Variants in ZNF862 observed in about 807,000 individuals in gnomAD.
ZNF862 encodes zinc finger protein 862.
Under a neutral mutation model 91.1 loss-of-function variants are expected in ZNF862, and 64 were observed. That is an observed-to-expected ratio of 0.70 (90% CI 0.57 to 0.87). ZNF862 has a LOEUF of 0.87. Among genes scored for constraint, ZNF862 ranks in the 40% least tolerant of loss-of-function variants. ZNF862 has a pLI of 0.00. For missense variants in ZNF862, 1,459 were observed against 1,528.0 expected, an observed-to-expected ratio of 0.95 and a Z score of 0.75; for synonymous variants, 631 against 618.1, an observed-to-expected ratio of 1.02 and a Z score of -0.31.
At chr7:149,841,487 A>G in intron 1 of ZNF862, 1 of 980,512 alleles carries the variant, frequency 1.0e-6, no homozygotes, top group African/African-American at 1.7e-5. Flanking sequence ...TTATTTACGT[A>G]TTTGTTGACT....
rs1173050540 is a variant in ZNF862, at chr7:149,838,556, A to T, written c.-56A>T. The T allele has an allele frequency of 1.6e-5, 19 of 1,169,596 alleles. No homozygotes were observed. Among genetic ancestry groups the T allele is most frequent in the Non-Finnish European group, 2.0e-5 (19 of 930,964 alleles). The allele number at this position is 1,169,596 out of a possible 1,614,324, so 72.5% of individuals were successfully genotyped here. On this transcript the variant is annotated 5_prime_UTR_variant, in exon 1 of 8. Coordinates refer to ENST00000223210, the MANE Select transcript of ZNF862 (RefSeq NM_001099220.3). ...TCCCCGGGGCGGTCGCGGCGGCTGC[A>T]TCCTCAGGCCAGGCCGCGGGGGGAG...
Position 149,838,604 on chromosome 7 carries a change from G to A in ZNF862, c.-8G>A, listed in dbSNP as rs2128934558. On this transcript the variant is annotated 5_prime_UTR_variant, in exon 1 of 8. Transcript: ENST00000223210. ...GAGGGGGCGGCACGGGCCTCCGAAA[G>A]CGGGGCCATGGAGCCCAGAGAGTCG... is the stretch of plus-strand genomic sequence containing the variant. The A allele has an allele frequency of 1.6e-6, 2 of 1,224,882 alleles. No individual in the cohort carries two copies. The highest frequency in any genetic ancestry group is 4.2e-5 in the Admixed American group (1 of 23,700). 75.9% of individuals were successfully genotyped at this position (1,224,882 alleles called of 1,614,324 possible). A position where few individuals can be genotyped will look rare whatever the true frequency, so the allele number is the denominator to read the frequency against.
chr7:149,848,357 A>G lies in ZNF862; in HGVS notation c.864A>G (p.Lys288=). ...YLDCISDLRQ[K]EITDGIHSSS... ...ACTGCATTTCAGATTTGAGGCAAAA[A>G]GAAATCACTGATGGCATCCACAGCT... Residue 288 remains lysine (K), a synonymous_variant, in exon 4 of 8, where the codon AAA becomes AAG. Coordinates refer to ENST00000223210, the MANE Select transcript of ZNF862 (RefSeq NM_001099220.3). 1 of 1,605,896 alleles carries G rather than the reference A, an allele frequency of 6.2e-7. No homozygotes were observed. Among genetic ancestry groups the G allele is most frequent in the Non-Finnish European group, 8.5e-7 (1 of 1,175,822 alleles).
Position 149,861,078 on chromosome 7 carries a change from G to A in ZNF862, c.1918G>A (p.Val640Met), listed in dbSNP as rs79606766. 7.0e-4 allele frequency: 1,134 copies of A among 1,612,796 alleles called. 11 individuals are homozygous for A. In the East Asian group the frequency reaches 0.017, roughly 24 times the overall value. The change falls in exon 7 of 8, where the codon GTG becomes ATG. Residue 640 changes from valine to methionine, a missense_variant. By Grantham distance (21) the Val-to-Met change is conservative. Coordinates refer to ENST00000223210, the MANE Select transcript of ZNF862 (RefSeq NM_001099220.3). This position sits in a 1 kb window ranked among gnomAD's most constrained non-coding sequence, Gnocchi z 6.7. Reference sequence around the variant, plus strand: ...CACCGACGCCTCCGAGCAGGCCTGCGTGGGGATTTACATCCGCTACTTCAA... The same window carrying A: ...CACCGACGCCTCCGAGCAGGCCTGCATGGGGATTTACATCCGCTACTTCAA... ...SSTDASEQAC[V>M]GIYIRYFKQM...
Position 149,847,889 on chromosome 7 carries a change from A to G in ZNF862, c.396A>G (p.Lys132=), listed in dbSNP as rs767475974. The G allele has an allele frequency of 1.2e-6, 2 of 1,609,224 alleles. No individual in the cohort carries two copies. The highest frequency in any genetic ancestry group is 2.2e-5 in the East Asian group (1 of 44,704). Residue 132 remains lysine, a synonymous_variant, in exon 4 of 8, where the codon AAA becomes AAG. Transcript: ENST00000223210. ...GAGACTGGGCCGGAAGAAACAGGAA[A>G]CTTCTGAAGCCCCGGTCCATCCAGA... ...IEGDWAGRNR[K]LLKPRSIQKS...
At chr7:149,846,677 G>A (rs1445221267) in intron 3 of ZNF862, among the ~76,000 whole-genome samples, 1 of 152,168 alleles carries the variant, frequency 6.6e-6, no homozygotes, top group East Asian at 1.9e-4. Context: ...AGACCCTCCT[G>A]TTCAGGGGTT....
chr7:149,844,140 C>T (rs1801794879), intron 1 of ZNF862, among the ~76,000 whole-genome samples: 1 of 152,162 alleles, frequency 6.6e-6, no homozygotes, highest in Admixed American at 6.5e-5. Context: ...AGCCCCTTTA[C>T]AAGCCACACG....
chr7:149,854,027 T>G (rs750672662), intron 5 of ZNF862, among the ~76,000 whole-genome samples: 3 of 152,188 alleles, frequency 2.0e-5, no homozygotes, highest in Non-Finnish European at 4.4e-5. Context: ...AGCTGTTTCT[T>G]CCAGTAATTT....
intron 2 of ZNF862, chr7:149,845,136 C>A (rs1255935996): frequency 1.6e-5 from 3 of 183,598 alleles, no homozygotes; most frequent in South Asian, 2.3e-4. Flanking sequence ...TGGTCTCAAT[C>A]CCAGCTCTCC....
chr7:149,847,035 G>A (rs1315428452), intron 3 of ZNF862, among the ~76,000 whole-genome samples: 1 of 152,198 alleles, frequency 6.6e-6, no homozygotes, highest in Non-Finnish European at 1.5e-5. Flanking sequence ...ACTTATGTTG[G>A]TACATAAGAA....
chr7:149,839,478 T>C (rs1801627977), intron 1 of ZNF862, among the ~76,000 whole-genome samples: 1 of 152,190 alleles, frequency 6.6e-6, no homozygotes, highest in African/African-American at 2.4e-5. Context: ...GTGATTTGCA[T>C]TGAACGAGAT....
In ZNF862 at chr7:149,866,859, G is replaced by A. The variant is rs1802749161; in HGVS notation, c.*2575G>A. 1 of 152,190 alleles carries A rather than the reference G, an allele frequency of 6.6e-6. No individual in the cohort carries two copies. Among genetic ancestry groups the A allele is most frequent in the African/African-American group, 2.4e-5 (1 of 41,422 alleles). The allele number at this position is 152,190 out of a possible 1,614,324, so 9.4% of individuals were successfully genotyped here. On this transcript the variant is annotated 3_prime_UTR_variant, in exon 8 of 8. Coordinates refer to ENST00000223210, the MANE Select transcript of ZNF862 (RefSeq NM_001099220.3). The stretch of plus-strand genomic sequence containing the variant: ...CTTATCAGAGGCCCTGGCCCAGGCT[G>A]GCCCCTTTGCTTTGTTTGGAGAGGC...
Position 149,846,159 on chromosome 7 carries a change from G to A in ZNF862, c.145G>A (p.Val49Ile). ...TTTTTTTTTGGACTCAGGACCAACTGTTGCCAATCCTGAGCTGTTCCGCAA... is the reference window on the plus strand; with the variant it reads ...TTTTTTTTTGGACTCAGGACCAACTATTGCCAATCCTGAGCTGTTCCGCAA... ...NKLVAPLGPT[V>I]ANPELFRKFG... The change falls in exon 3 of 8, where the codon GTT (valine) becomes ATT (isoleucine). Residue 49 changes from valine to isoleucine, a missense_variant. By Grantham distance (29) the Val-to-Ile change is conservative. Coordinates refer to ENST00000223210, the MANE Select transcript of ZNF862 (RefSeq NM_001099220.3). The A allele has an allele frequency of 6.2e-7, 1 of 1,610,380 alleles. No homozygotes were observed. The highest frequency in any genetic ancestry group is 8.5e-7 in the Non-Finnish European group (1 of 1,178,670).
intron 1 of ZNF862, among the ~76,000 whole-genome samples, chr7:149,839,889 G>A (rs1004840019): frequency 3.3e-5 from 5 of 152,194 alleles, no homozygotes; most frequent in Non-Finnish European, 7.3e-5. Flanking sequence ...GAAGCAAAAT[G>A]TAGGGGGAAG....
chr7:149,841,522 C>T (rs968822573), intron 1 of ZNF862: 3 of 984,064 alleles, frequency 3.0e-6, no homozygotes, highest in Non-Finnish European at 3.6e-6. Flanking sequence ...CCAGCTAGAA[C>T]AGTGGAGCAG....
In ZNF862 at chr7:149,841,272, T is replaced by C. The variant is rs112729985; in HGVS notation, c.24+2637T>C. Reference sequence around the variant, plus strand: ...GTTTGGTCTATTACTAGACTCTTCCTTGGGTGCTGTTTTGTGGTCTTTATT... The same window carrying C: ...GTTTGGTCTATTACTAGACTCTTCCCTGGGTGCTGTTTTGTGGTCTTTATT... On this transcript the variant is annotated intron_variant, in intron 1 of 7. Transcript: ENST00000223210. The C allele has an allele frequency of 4.9e-3, 4,817 of 985,402 alleles. 184 individuals are homozygous for C. The African/African-American group carries it at 0.077, about 16-fold the overall frequency. 61.0% of individuals were successfully genotyped at this position (985,402 alleles called of 1,614,324 possible).
intron 1 of ZNF862, among the ~76,000 whole-genome samples, chr7:149,840,239 ATAGAAT>A (rs1168470677): frequency 6.6e-6 from 1 of 150,666 alleles, no homozygotes; most frequent in Non-Finnish European, 1.5e-5. Context: ...ACAAAACCTC[ATAGAAT>A]TAGAATATAA....
Position 149,862,227 on chromosome 7 carries a change from A to G in ZNF862, c.3067A>G (p.Ser1023Gly). The change falls in exon 7 of 8, where the codon AGC becomes GGC. Residue 1023 changes from serine to glycine, a missense_variant. Coordinates refer to ENST00000223210, the MANE Select transcript of ZNF862 (RefSeq NM_001099220.3). ...LAQHCRFPLLSKLMAVVVCVP... is the reference protein window; with the variant it reads ...LAQHCRFPLLGKLMAVVVCVP... The stretch of plus-strand genomic sequence containing the variant: ...CCAGCACTGCCGCTTCCCCCTGCTA[A>G]GCAAGCTCATGGCCGTGGTGGTCTG... 1.9e-6 allele frequency: 3 copies of G among 1,613,774 alleles called. No homozygotes were observed. Among genetic ancestry groups the G allele is most frequent in the Non-Finnish European group, 2.5e-6 (3 of 1,179,874 alleles).
chr7:149,853,937 CA>C (rs931414504), intron 5 of ZNF862, among the ~76,000 whole-genome samples: 186 of 108,172 alleles, frequency 1.7e-3, no homozygotes, highest in East Asian at 1.9e-3. Context: ...GACTCCATCT[CA>C]AAAAAAAAAA....
Sources: gnomAD v4.1 joint callset for allele counts (sites outside exome capture counted in the v4.1 genomes callset) on GRCh38, gnomAD v4.1.1 for gene constraint, Gnocchi (gnomAD v3.1) non-coding constraint, MANE v1.5 for transcripts, NCBI Gene and HGNC (gene_info 2026-07-23, HGNC 2026-07-21) for gene names.